EML1: variants seen among roughly 807,000 people sequenced by gnomAD.
EML1 encodes the protein echinoderm microtubule-associated protein-like 1.
EML1 carries 27 observed loss-of-function variants against 110.4 expected under a neutral mutation model. That is an observed-to-expected ratio of 0.24 (90% CI 0.18 to 0.34). The LOEUF is 0.34. Ranked by LOEUF, EML1 falls within the 10% of genes least tolerant of loss-of-function variation. The probability of loss-of-function intolerance (pLI) is 1.00; values close to 1 mark genes in which losing one functional copy is unlikely to be tolerated. For synonymous variants in EML1, 344 were observed against 385.8 expected (o/e 0.89, Z 1.27); for missense variants, 741 against 1,030.9 (o/e 0.72, Z 3.85).
At chr14:99,763,399 C>T (rs898343271) in intron 1 of EML1, among the ~76,000 whole-genome samples, 4 of 152,106 alleles carry the variant, frequency 2.6e-5, no homozygotes, top group Admixed American at 6.6e-5. Flanking sequence ...CTACTATATA[C>T]GTGGATTTAT....
intron 3 of EML1, among the ~76,000 whole-genome samples, chr14:99,873,873 T>C (rs2059245619): frequency 6.6e-6 from 1 of 152,236 alleles, no homozygotes. Context: ...CCTCCAGCAC[T>C]CAGCATAGCG....
chr14:99,786,061 CAAAAAA>C (rs56240053), intron 1 of EML1, among the ~76,000 whole-genome samples: 31,007 of 120,296 alleles, frequency 0.26, 3,539 homozygotes, highest in Non-Finnish European at 0.32. Flanking sequence ...CCTGGCTGCT[CAAAAAA>C]AAAAAAAAAA....
rs572235695 is a variant in EML1, at chr14:99,870,644, C to G, written c.383+4998C>G. On this transcript the variant is annotated intron_variant, in intron 3 of 21. Transcript: ENST00000262233. ...TAAATTGGAGCTAGTGTTCATTTATCATTCCAAAAATCCTAGGGCCCTTAA... is the reference window on the plus strand; with the variant it reads ...TAAATTGGAGCTAGTGTTCATTTATGATTCCAAAAATCCTAGGGCCCTTAA... Among the ~76,000 whole-genome samples the G allele has an allele frequency of 6.8e-4, 104 of 152,344 alleles. 1 individual carries two copies. The highest frequency in any genetic ancestry group is 3.5e-3 in the Admixed American group (53 of 15,304).
At chr14:99,923,789 G>A (rs563139396) in intron 17 of EML1, among the ~76,000 whole-genome samples, 2 of 152,024 alleles carry the variant, frequency 1.3e-5, no homozygotes, top group African/African-American at 4.8e-5. Flanking sequence ...ATAAATTTTA[G>A]GATCAGCTTG....
At chr14:99,809,148 A>AT (rs1302507303) in intron 1 of EML1, among the ~76,000 whole-genome samples, 2 of 152,134 alleles carry the variant, frequency 1.3e-5, no homozygotes, top group African/African-American at 4.8e-5. Context: ...AGATAATTGA[A>AT]TTTTTGCAAA....
intron 1 of EML1, among the ~76,000 whole-genome samples, chr14:99,777,543 C>T (rs971315400): frequency 6.6e-6 from 1 of 152,178 alleles, no homozygotes. Context: ...CCTCAGCCTC[C>T]CCAGTAGCTG....
At chr14:99,791,654 T>C (rs776427012), upstream of EML1, among the ~76,000 whole-genome samples, 1 of 152,156 alleles carries the variant, frequency 6.6e-6, no homozygotes, top group South Asian at 2.1e-4. Context: ...TGGTGCCTCA[T>C]TTCTGGAGCA....
rs567774296 is a variant in EML1 at position 99,850,349 on chromosome 14, A to G, written c.68-504A>G. ...TGATTCTGAGTAAGAAAATATGATT[A>G]CCATAATTGTAAGGGTAGCTTGCCA... On this transcript the variant is annotated intron_variant, in intron 1 of 21. Transcript: ENST00000262233. The G allele has an allele frequency of 9.6e-5, 124 of 1,289,066 alleles. 3 individuals carry two copies. The South Asian group carries it at 1.5e-3, about 15-fold the overall frequency. The allele number at this position is 1,289,066 out of a possible 1,614,324, so 79.9% of individuals were successfully genotyped here.
In EML1 at chr14:99,865,664, C is replaced by T; in HGVS notation, c.383+18C>T. 1 of 1,612,330 alleles carries T rather than the reference C, an allele frequency of 6.2e-7. No homozygotes were observed. Among genetic ancestry groups the T allele is most frequent in the Non-Finnish European group, 8.5e-7 (1 of 1,179,336 alleles). ...ACCAAAAGGTGAGCCAGAAGCAGGGCCTTAAATGAACTCTCAAAGCAGTTC... is the reference window on the plus strand; with the variant it reads ...ACCAAAAGGTGAGCCAGAAGCAGGGTCTTAAATGAACTCTCAAAGCAGTTC... On this transcript the variant is annotated intron_variant, in intron 3 of 21. Transcript: ENST00000262233.
chr14:99,932,405 A>G (rs1264612420), intron 17 of EML1, among the ~76,000 whole-genome samples: 1 of 152,106 alleles, frequency 6.6e-6, no homozygotes, highest in African/African-American at 2.4e-5. Context: ...TGGGAGGCCG[A>G]GGCAAGTGGA....
chr14:99,739,119 AGTGTGTGTGTGTGTGTGTGT>A (rs71113220), intron 1 of EML1, among the ~76,000 whole-genome samples: 1 of 134,910 alleles, frequency 7.4e-6, no homozygotes, highest in South Asian at 2.4e-4. Context: ...AGAGAGAGAG[AGTGTGTGTGTGTGTGTGTGT>A]GTGTGTGTGT....
intron 1 of EML1, among the ~76,000 whole-genome samples, chr14:99,824,792 G>A (rs1448992910): frequency 6.6e-6 from 1 of 151,956 alleles, no homozygotes; most frequent in Non-Finnish European, 1.5e-5. Flanking sequence ...CACCCTTTTG[G>A]AGCCTCCAGT....
upstream of EML1, among the ~76,000 whole-genome samples, chr14:99,791,027 T>C (rs1020870062): frequency 1.4e-4 from 21 of 151,980 alleles, no homozygotes; most frequent in African/African-American, 4.8e-4. Context: ...CTGGCTAATT[T>C]TTTGTATTTT....
At position 99,865,516 on chromosome 14, in the gene EML1, A is replaced by C. The variant is rs369479741; in HGVS notation, c.253A>C (p.Arg85=). The C allele has an allele frequency of 2.2e-5, 36 of 1,613,744 alleles. No homozygotes were observed. Among genetic ancestry groups the C allele is most frequent in the Non-Finnish European group, 3.0e-5 (35 of 1,179,928 alleles). ...VLNRKGPTKA[R]PLMQTLPLRT... ...ATTATTTTCTGCTTGTCTTACAGCAAGACCACTGATGCAGACCCTGCCTTT... is the reference window on the plus strand; with the variant it reads ...ATTATTTTCTGCTTGTCTTACAGCACGACCACTGATGCAGACCCTGCCTTT... Residue 85 remains arginine (R), a splice_region_variant and synonymous_variant, in exon 3 of 22, where the codon AGA becomes CGA. Coordinates refer to ENST00000262233, the MANE Select transcript of EML1 (RefSeq NM_004434.3).
At chr14:99,888,824 A>T (rs866091881) in intron 4 of EML1, among the ~76,000 whole-genome samples, 4,988 of 151,598 alleles carry the variant, frequency 0.033, 273 homozygotes, top group African/African-American at 0.12. Flanking sequence ...AGAAAAGGGG[A>T]GCCCTCTTAG....
intron 17 of EML1, among the ~76,000 whole-genome samples, chr14:99,925,500 C>T (rs2060217800): frequency 6.6e-6 from 1 of 152,172 alleles, no homozygotes; most frequent in African/African-American, 2.4e-5. Flanking sequence ...CCTGCCTCAG[C>T]CTCCCAAAGT....
chr14:99,938,290 C>T (rs1423040175), intron 20 of EML1, among the ~76,000 whole-genome samples: 2 of 152,224 alleles, frequency 1.3e-5, no homozygotes, highest in African/African-American at 4.8e-5. Flanking sequence ...CTAAAAATTT[C>T]ACTTTCTTCA....
At chr14:99,838,720 A>T (rs1380670473) in intron 1 of EML1, among the ~76,000 whole-genome samples, 1 of 152,076 alleles carries the variant, frequency 6.6e-6, no homozygotes, top group Non-Finnish European at 1.5e-5. Flanking sequence ...GCCTCATAGC[A>T]AAAGGCCAGG....
chr14:99,926,491 G>C (rs2060236739), intron 17 of EML1, among the ~76,000 whole-genome samples: 1 of 151,876 alleles, frequency 6.6e-6, no homozygotes, highest in Non-Finnish European at 1.5e-5. Context: ...TGCCAGATTG[G>C]CCAGGCTGGT....
Sources: gnomAD v4.1 joint callset for allele counts (sites outside exome capture counted in the v4.1 genomes callset) on GRCh38, gnomAD v4.1.1 for gene constraint, MANE v1.5 for transcripts, NCBI Gene and HGNC (gene_info 2026-07-23, HGNC 2026-07-21) for gene names.